Variants in GRIP1 observed in about 807,000 individuals in gnomAD.
GRIP1 encodes the protein glutamate receptor-interacting protein 1.
In GRIP1, 45 loss-of-function variants were observed where a neutral mutation model predicts 129.9. The ratio of observed to expected loss-of-function variants is 0.35; its 90% CI spans 0.27 to 0.44. The LOEUF (loss-of-function observed/expected upper bound fraction) is 0.44, where lower values mean the gene tolerates loss of function less well. GRIP1 is among the 20% of genes least tolerant of loss of function. GRIP1 has a pLI of 1.00. For missense variants in GRIP1, 1,196 were observed against 1,396.8 expected, an observed-to-expected ratio of 0.86 and a Z score of 2.29; for synonymous variants, 530 against 520.8, an observed-to-expected ratio of 1.02 and a Z score of -0.24.
chr12:66,474,549 A>C (rs977552799), intron 7 of GRIP1, among the ~76,000 whole-genome samples: 5 of 152,194 alleles, frequency 3.3e-5, no homozygotes, highest in African/African-American at 7.2e-5. Context: ...AGTTGAAATG[A>C]AGGAAAAAAT....
At chr12:66,725,658 G>C (rs1411966936) in intron 1 of GRIP1, among the ~76,000 whole-genome samples, 2 of 152,010 alleles carry the variant, frequency 1.3e-5, no homozygotes, top group African/African-American at 4.8e-5. Flanking sequence ...ATCTGTTCCA[G>C]CGTTTCTCAA....
chr12:66,486,628 G>T (rs1030392832), intron 7 of GRIP1, among the ~76,000 whole-genome samples: 5 of 152,104 alleles, frequency 3.3e-5, no homozygotes, highest in Admixed American at 3.3e-4. Context: ...GATGGGACTT[G>T]CTCCTTCTTG....
intron 1 of GRIP1, among the ~76,000 whole-genome samples, chr12:67,009,123 A>G (rs1235405995): frequency 6.6e-6 from 1 of 152,172 alleles, no homozygotes; most frequent in African/African-American, 2.4e-5. Context: ...CCAGCTGGCT[A>G]TTTTAATCAT....
At chr12:66,902,402 G>A (rs902919627) in intron 1 of GRIP1, among the ~76,000 whole-genome samples, 1 of 152,100 alleles carries the variant, frequency 6.6e-6, no homozygotes, top group African/African-American at 2.4e-5. Flanking sequence ...AGAAATAGCT[G>A]GCCTGAGGGA....
At chr12:67,012,699 C>G (rs2042728082) in intron 1 of GRIP1, among the ~76,000 whole-genome samples, 1 of 152,136 alleles carries the variant, frequency 6.6e-6, no homozygotes, top group Admixed American at 6.6e-5. Flanking sequence ...CAGAAGCCAG[C>G]TAGAGCTGTG....
intron 7 of GRIP1, among the ~76,000 whole-genome samples, chr12:66,473,435 T>C (rs1224592424): frequency 6.6e-6 from 1 of 152,224 alleles, no homozygotes; most frequent in Non-Finnish European, 1.5e-5. Context: ...CTGCTGGCTC[T>C]GAAGAGAGCA....
chr12:66,395,644 T>C (rs998438780), intron 16 of GRIP1, among the ~76,000 whole-genome samples: 1 of 152,208 alleles, frequency 6.6e-6, no homozygotes, highest in African/African-American at 2.4e-5. Context: ...AATGCAGCCA[T>C]TACCTCCACT....
intron 1 of GRIP1, among the ~76,000 whole-genome samples, chr12:66,738,938 G>T (rs1029922852): frequency 1.3e-5 from 2 of 152,234 alleles, no homozygotes; most frequent in Admixed American, 1.3e-4. Context: ...CATACTCAGG[G>T]TTCTTCTGTC....
chr12:66,637,922 T>A (rs949490457), intron 1 of GRIP1, among the ~76,000 whole-genome samples: 2 of 152,226 alleles, frequency 1.3e-5, no homozygotes, highest in Non-Finnish European at 2.9e-5. Context: ...AAGAGTCAGC[T>A]ACATAAATCA....
intron 1 of GRIP1, among the ~76,000 whole-genome samples, chr12:66,604,142 T>C (rs2064402865): frequency 6.6e-6 from 1 of 152,310 alleles, no homozygotes; most frequent in Non-Finnish European, 1.5e-5. Context: ...ACCCAGCCTC[T>C]GATCTGCACA....
intron 1 of GRIP1, among the ~76,000 whole-genome samples, chr12:66,774,388 A>C (rs915757153): frequency 4.6e-5 from 7 of 152,224 alleles, no homozygotes; most frequent in Non-Finnish European, 8.8e-5. Context: ...AACTCAACCC[A>C]ATATGAATGT....
intron 1 of GRIP1, among the ~76,000 whole-genome samples, chr12:66,946,397 G>A (rs548554942): frequency 2.0e-5 from 3 of 152,126 alleles, no homozygotes; most frequent in African/African-American, 7.2e-5. Context: ...AGCAGTTGTG[G>A]TTCTAAATAT....
At position 66,613,079 on chromosome 12, in the gene GRIP1, A is replaced by T. The variant is rs996531744; in HGVS notation, c.56-16152T>A. The stretch of plus-strand genomic sequence containing the variant: ...TTAAATAATCCCCTAAATACACAAG[A>T]AACCTATTAAGTATAAAACTTATCT... On this transcript the variant is annotated intron_variant, in intron 1 of 24. Coordinates refer to ENST00000359742, the MANE Select transcript of GRIP1 (RefSeq NM_001366722.1). Among the ~76,000 whole-genome samples the T allele has an allele frequency of 2.0e-5, 3 of 152,194 alleles. No homozygotes were observed. The South Asian group carries it at 6.2e-4, about 31-fold the overall frequency.
At chr12:66,778,102 C>T (rs2038044217) in intron 1 of GRIP1, among the ~76,000 whole-genome samples, 1 of 152,066 alleles carries the variant, frequency 6.6e-6, no homozygotes, top group Admixed American at 6.6e-5. Flanking sequence ...ATACTATTTG[C>T]AATATACTGG....
In GRIP1 at chr12:66,944,368, T is replaced by C. The variant is rs997255801; in HGVS notation, c.58+124682A>G. ...CTACAAAAAGTCTATCTTTTCAGTG[T>C]AAAAGGCTATATGTCCTTTTAAGTA... is the stretch of plus-strand genomic sequence containing the variant. On this transcript the variant is annotated intron_variant, in intron 1 of 1. Transcript: ENST00000643019. Among the ~76,000 whole-genome samples, 7 of 152,220 alleles carry C rather than the reference T, an allele frequency of 4.6e-5. 1 individual carries two copies. The highest frequency in any genetic ancestry group is 1.7e-4 in the African/African-American group (7 of 41,454).
intron 1 of GRIP1, among the ~76,000 whole-genome samples, chr12:66,673,205 A>G (rs2034163465): frequency 6.6e-6 from 1 of 152,138 alleles, no homozygotes; most frequent in African/African-American, 2.4e-5. Flanking sequence ...CTTCTTTTTC[A>G]TCTGTATGGT....
chr12:66,645,148 T>C (rs12422256), intron 1 of GRIP1, among the ~76,000 whole-genome samples: 21,019 of 152,202 alleles, frequency 0.14, 1,608 homozygotes, highest in Middle Eastern at 0.19. Flanking sequence ...AATATTGAAA[T>C]ACTGGAATGG....
intron 1 of GRIP1, among the ~76,000 whole-genome samples, chr12:66,650,358 T>G (rs183804692): frequency 2.6e-4 from 39 of 152,306 alleles, no homozygotes; most frequent in African/African-American, 9.4e-4. Flanking sequence ...TCCAAAGAAC[T>G]TGGTAAGCAA....
intron 1 of GRIP1, among the ~76,000 whole-genome samples, chr12:66,907,210 A>T (rs2040948570): frequency 6.6e-6 from 1 of 152,218 alleles, no homozygotes; most frequent in Admixed American, 6.5e-5. Flanking sequence ...TGAGAGAAGT[A>T]CATTTTTGCT....
Sources: gnomAD v4.1 joint callset for allele counts (sites outside exome capture counted in the v4.1 genomes callset) on GRCh38, gnomAD v4.1.1 for gene constraint, MANE v1.5 for transcripts, NCBI Gene and HGNC (gene_info 2026-07-23, HGNC 2026-07-21) for gene names.